Variants in UNC13B observed in about 807,000 individuals in gnomAD.
The protein encoded by UNC13B is protein unc-13 homolog B.
A neutral mutation model predicts 211.0 loss-of-function variants in UNC13B; 144 were observed. That is an observed-to-expected ratio of 0.68 (90% confidence interval 0.60 to 0.78). The LOEUF is 0.78. Among genes scored for constraint, UNC13B ranks in the 30% least tolerant of loss-of-function variants. The pLI is 0.00. For missense variants in UNC13B, 1,777 were observed against 2,002.0 expected, an observed-to-expected ratio of 0.89 and a Z score of 2.14; for synonymous variants, 709 against 725.8, an observed-to-expected ratio of 0.98 and a Z score of 0.37.
rs529213965 is a variant in UNC13B, at chr9:35,307,393, C to T, written c.7989C>T (p.Ala2663=). 2.8e-5 allele frequency: 11 copies of T among 398,920 alleles called. No individual in the cohort carries two copies. Among genetic ancestry groups the T allele is most frequent in the Admixed American group, 4.4e-5 (1 of 22,712 alleles). The allele number at this position is 398,920 out of a possible 1,614,324, so 24.7% of individuals were successfully genotyped here. A position where few individuals can be genotyped will look rare whatever the true frequency, so the allele number is the denominator to read the frequency against. Residue 2663 remains alanine (A), a synonymous_variant, in exon 9 of 40, where the codon GCC becomes GCT. Transcript: ENST00000635942. Reference sequence around the variant, plus strand: ...TGCATCCAGATCCTACCTGCATTGCCGAAGAGCTTCCTCCTCCCATTCAGC... The same window carrying T: ...TGCATCCAGATCCTACCTGCATTGCTGAAGAGCTTCCTCCTCCCATTCAGC... The part of the protein sequence containing the change: ...AQLHPDPTCI[A]EELPPPIQPP...
At chr9:35,277,876 T>C (rs1048333294) in intron 7 of UNC13B, among the ~76,000 whole-genome samples, 1 of 151,606 alleles carries the variant, frequency 6.6e-6, no homozygotes, top group African/African-American at 2.4e-5. Flanking sequence ...GTACCCTCAA[T>C]GGGTACACAG....
At chr9:35,370,127 G>A (rs184006614) in intron 12 of UNC13B, among the ~76,000 whole-genome samples, 191 bp from the exon 13 acceptor site, 2 of 152,348 alleles carry the variant, frequency 1.3e-5, no homozygotes, top group East Asian at 3.9e-4. Context: ...TGTGAGAACA[G>A]ATTCTATTGC....
intron 6 of UNC13B, among the ~76,000 whole-genome samples, chr9:35,254,880 A>G (rs1467797469): frequency 1.6e-5 from 2 of 128,960 alleles, no homozygotes; most frequent in Non-Finnish European, 1.6e-5. Flanking sequence ...CATTATTTAT[A>G]TATATTATAT....
intron 1 of UNC13B, among the ~76,000 whole-genome samples, chr9:35,164,343 T>C (rs1284686588): frequency 2.6e-5 from 4 of 152,256 alleles, no homozygotes; most frequent in African/African-American, 9.6e-5. Context: ...AAAATGACAT[T>C]CCTTGCGTTG....
At chr9:35,332,738 G>A (rs1831444107) in intron 11 of UNC13B, among the ~76,000 whole-genome samples, 1 of 152,166 alleles carries the variant, frequency 6.6e-6, no homozygotes, top group Admixed American at 6.5e-5. Context: ...CAACTTGGAT[G>A]TCACATTCTT....
chr9:35,169,915 G>A (rs980045932), intron 1 of UNC13B, among the ~76,000 whole-genome samples: 7 of 152,116 alleles, frequency 4.6e-5, no homozygotes, highest in African/African-American at 1.4e-4. Context: ...TGTATCATTA[G>A]TAAATATTTG....
chr9:35,199,237 T>A (rs923339507), intron 1 of UNC13B, among the ~76,000 whole-genome samples: 2 of 152,220 alleles, frequency 1.3e-5, no homozygotes, highest in Non-Finnish European at 2.9e-5. Context: ...TAATCCGATC[T>A]ATCACTGATG....
At chr9:35,170,492 T>C (rs574394057) in intron 1 of UNC13B, among the ~76,000 whole-genome samples, 34 of 151,578 alleles carry the variant, frequency 2.2e-4, no homozygotes, top group African/African-American at 8.2e-4. Flanking sequence ...TTTTTGAGAC[T>C]GGATCTTGCT....
chr9:35,386,613 G>GTTTAAC (rs929039826), intron 24 of UNC13B, among the ~76,000 whole-genome samples: 3 of 152,114 alleles, frequency 2.0e-5, no homozygotes, highest in African/African-American at 7.2e-5. Context: ...TCTCCCTCAA[G>GTTTAAC]TTTAACTTTA....
chr9:35,287,615 G>A (rs1484079373), intron 7 of UNC13B, among the ~76,000 whole-genome samples: 1 of 151,906 alleles, frequency 6.6e-6, no homozygotes, highest in East Asian at 1.9e-4. Flanking sequence ...ACTTCATATA[G>A]TCTTTTTTTC....
Position 35,214,582 on chromosome 9 carries a change from T to A in UNC13B, c.23-13433T>A, listed in dbSNP as rs554294111. On this transcript the variant is annotated intron_variant, in intron 1 of 39. Coordinates refer to ENST00000635942, the MANE Select transcript of UNC13B (RefSeq NM_001371189.2). ...TGTATACTAGAAAGAAATTACCCAT[T>A]ATGTAACAGAGGGAGAAAGAGAGAG... Among the ~76,000 whole-genome samples the A allele has an allele frequency of 1.7e-3, 255 of 152,210 alleles. 2 individuals are homozygous for A. The Middle Eastern group carries it at 0.037, about 22-fold the overall frequency.
rs1012428782 is a variant in UNC13B at position 35,303,772 on chromosome 9, T to C, written c.4368T>C (p.Ser1456=). The C allele has an allele frequency of 2.3e-5, 9 of 398,692 alleles. No individual in the cohort carries two copies. Among genetic ancestry groups the C allele is most frequent in the Non-Finnish European group, 4.0e-5 (9 of 225,860 alleles). 24.7% of individuals were successfully genotyped at this position (398,692 alleles called of 1,614,324 possible). Residue 1456 remains serine (S), a synonymous_variant, in exon 9 of 40, where the codon TCT becomes TCC. Coordinates refer to ENST00000635942, the MANE Select transcript of UNC13B (RefSeq NM_001371189.2). ...VWAANSLYGN[S]GPLPINEANN... is the part of the protein sequence containing the mutation. ...CAGCTAACTCATTATATGGAAACTC[T>C]GGTCCTCTTCCAATTAATGAGGCTA...
At position 35,237,475 on chromosome 9, in the gene UNC13B, C is replaced by T. The variant is rs113743366; in HGVS notation, c.271-228C>T. On this transcript the variant is annotated intron_variant, in intron 4 of 39. Coordinates refer to ENST00000635942, the MANE Select transcript of UNC13B (RefSeq NM_001371189.2). ...TATGGTACTCCAGACATTCTGTCCTCGTTAGACCTGCAGAGCTGAGCACAG... is the reference window on the plus strand; with the variant it reads ...TATGGTACTCCAGACATTCTGTCCTTGTTAGACCTGCAGAGCTGAGCACAG... Among the ~76,000 whole-genome samples the T allele has an allele frequency of 1.7e-3, 261 of 152,242 alleles. 1 individual carries two copies. The highest frequency in any genetic ancestry group is 6.1e-3 in the African/African-American group (254 of 41,534).
At chr9:35,356,622 A>G (rs925456024) in intron 11 of UNC13B, among the ~76,000 whole-genome samples, 1 of 152,164 alleles carries the variant, frequency 6.6e-6, no homozygotes, top group Non-Finnish European at 1.5e-5. Flanking sequence ...TTCATGTGCC[A>G]TAAAATTCAC....
chr9:35,338,658 A>G (rs568012225), intron 11 of UNC13B, among the ~76,000 whole-genome samples: 1 of 152,290 alleles, frequency 6.6e-6, no homozygotes, highest in Non-Finnish European at 1.5e-5. Flanking sequence ...GGCTTTCCTC[A>G]GCAGTAGAGA....
Position 35,303,734 on chromosome 9 carries a change from G to T in UNC13B, c.4330G>T (p.Gly1444Cys), listed in dbSNP as rs1332931984. ...ATTTAATGAAGATTACTTATTAAGA[G>T]GTGATGTGTGGGCAGCTAACTCATT... is the stretch of plus-strand genomic sequence containing the variant. ...LAFNEDYLLR[G>C]DVWAANSLYG... The change falls in exon 9 of 40, where the codon GGT (glycine) becomes TGT (cysteine). Residue 1444 changes from glycine to cysteine, a missense_variant. Transcript: ENST00000635942. The T allele has an allele frequency of 2.5e-6, 1 of 398,528 alleles. No homozygotes were observed. The allele number at this position is 398,528 out of a possible 1,614,324, so 24.7% of individuals were successfully genotyped here.
chr9:35,310,900 C>T (rs1830153911), intron 10 of UNC13B, 119 bp downstream of exon 10: 1 of 903,692 alleles, frequency 1.1e-6, no homozygotes, highest in African/African-American at 1.7e-5. Context: ...GTAGTTAACA[C>T]CTCCAGGCTC....
intron 1 of UNC13B, among the ~76,000 whole-genome samples, chr9:35,202,295 T>C: frequency 6.6e-6 from 1 of 152,224 alleles, no homozygotes; most frequent in East Asian, 1.9e-4. Flanking sequence ...GATGTGGTGC[T>C]GAAAATAATG....
intron 11 of UNC13B, among the ~76,000 whole-genome samples, chr9:35,317,518 C>CTTTTT (rs748345363): frequency 2.0e-5 from 2 of 97,662 alleles, no homozygotes; most frequent in African/African-American, 8.7e-5. Flanking sequence ...GCTAAAGAAG[C>CTTTTT]TTTTTTTTTT....
Sources: gnomAD v4.1 joint callset for allele counts (sites outside exome capture counted in the v4.1 genomes callset) on GRCh38, gnomAD v4.1.1 for gene constraint, MANE v1.5 for transcripts, NCBI Gene and HGNC (gene_info 2026-07-23, HGNC 2026-07-21) for gene names.